Variants in CYP2C19 observed in about 807,000 individuals in gnomAD.
CYP2C19 encodes the protein cytochrome P450 family 2 subfamily C member 19, also known as cytochrome P450 2C19.
In CYP2C19, 59 loss-of-function variants were observed where a neutral mutation model predicts 40.9. The ratio of observed to expected loss-of-function variants is 1.44; its 90% CI spans 1.17 to 1.79. The LOEUF is 1.79. Among genes scored for constraint, CYP2C19 ranks in the 40% most tolerant of loss-of-function variants. The probability of loss-of-function intolerance (pLI) is 0.00; values close to 1 mark genes in which losing one functional copy is unlikely to be tolerated. For synonymous variants in CYP2C19, 253 were observed against 208.7 expected, an observed-to-expected ratio of 1.21 and a Z score of -1.83; for missense variants, 754 against 596.9, an observed-to-expected ratio of 1.26 and a Z score of -2.74.
chr10:94,833,758 C>G (rs770305892), intron 6 of CYP2C19, among the ~76,000 whole-genome samples: 3 of 152,174 alleles, frequency 2.0e-5, no homozygotes. Flanking sequence ...CTGAAATGAT[C>G]ATATGGTTTT....
intron 7 of CYP2C19, among the ~76,000 whole-genome samples, chr10:94,847,405 A>G (rs190094882): frequency 1.6e-4 from 24 of 152,110 alleles, no homozygotes; most frequent in Non-Finnish European, 2.6e-4. Flanking sequence ...AAGGACATGA[A>G]CTCATCATTT....
chr10:94,820,349 C>T (rs570283250), intron 5 of CYP2C19, 147 bp from the exon 6 acceptor site: 2 of 895,960 alleles, frequency 2.2e-6, no homozygotes, highest in East Asian at 2.7e-5. Context: ...GATGCCCTCT[C>T]TCACCGCTCC....
chr10:94,787,660 G>C (rs1243919289), intron 5 of CYP2C19, among the ~76,000 whole-genome samples: 1 of 152,058 alleles, frequency 6.6e-6, no homozygotes, highest in Non-Finnish European at 1.5e-5. Context: ...TCCATTTCGA[G>C]TTAATTTTTG....
At chr10:94,764,013 G>A (rs1366635085) in intron 1 of CYP2C19, among the ~76,000 whole-genome samples, 1 of 152,052 alleles carries the variant, frequency 6.6e-6, no homozygotes, top group Non-Finnish European at 1.5e-5. Flanking sequence ...TGGCATGTCT[G>A]GAGTTGTTCA....
At chr10:94,812,250 A>T (rs184230103) in intron 5 of CYP2C19, among the ~76,000 whole-genome samples, 7 of 152,182 alleles carry the variant, frequency 4.6e-5, no homozygotes, top group African/African-American at 2.4e-5. Flanking sequence ...ATATGCTGTT[A>T]GTCTGACAGG....
chr10:94,806,018 T>C (rs1435532015), intron 5 of CYP2C19, among the ~76,000 whole-genome samples: 2 of 152,106 alleles, frequency 1.3e-5, no homozygotes, highest in Non-Finnish European at 2.9e-5. Context: ...AGAAATGTTG[T>C]AGAACCCCAC....
rs28399513 is a variant in CYP2C19, at chr10:94,842,641, T to A, written c.962-196T>A. Among the ~76,000 whole-genome samples the A allele has an allele frequency of 0.17, 25,391 of 152,090 alleles. 2,321 individuals are homozygous for A. The highest frequency in any genetic ancestry group is 0.33 in the South Asian group (1,593 of 4,820). On this transcript the variant is annotated intron_variant, in intron 6 of 8. Coordinates refer to ENST00000371321, the MANE Select transcript of CYP2C19 (RefSeq NM_000769.4). ...ATATATGTGTACAGATTTTTCTTAA[T>A]GCCTAGCTTAAGGCACAGTTACACA...
In CYP2C19 at chr10:94,836,925, C is replaced by T. The variant is rs112172896; in HGVS notation, c.962-5912C>T. On this transcript the variant is annotated intron_variant, in intron 6 of 8. Coordinates refer to ENST00000371321, the MANE Select transcript of CYP2C19 (RefSeq NM_000769.4). ...CTCAAGTCTTGGGCTAATGCCTGGC[C>T]AAATAGATGGGGGCTATCCTTGAAC... 3.1e-3 allele frequency among the ~76,000 whole-genome samples: 475 copies of T among 151,224 alleles called. 3 individuals carry two copies. The highest frequency in any genetic ancestry group is 0.011 in the African/African-American group (452 of 41,124).
intron 5 of CYP2C19, among the ~76,000 whole-genome samples, chr10:94,798,905 T>G (rs1448688718): frequency 1.3e-5 from 2 of 150,318 alleles, no homozygotes; most frequent in Non-Finnish European, 3.0e-5. Context: ...TCTCTGCATG[T>G]GAGATGCATC....
At chr10:94,768,075 C>T (rs541836617) in intron 1 of CYP2C19, among the ~76,000 whole-genome samples, 18 of 152,328 alleles carry the variant, frequency 1.2e-4, no homozygotes, top group African/African-American at 4.3e-4. Context: ...CCATAATTCC[C>T]TTGTGGTATT....
intron 6 of CYP2C19, among the ~76,000 whole-genome samples, chr10:94,828,304 CTT>C (rs1849265220): frequency 1.3e-5 from 2 of 151,748 alleles, no homozygotes; most frequent in Admixed American, 6.6e-5. Context: ...GTCTAAGTCT[CTT>C]TGTAGGTCAC....
intron 6 of CYP2C19, among the ~76,000 whole-genome samples, chr10:94,841,169 G>C (rs1849489522): frequency 6.6e-6 from 1 of 152,200 alleles, no homozygotes; most frequent in African/African-American, 2.4e-5. Context: ...CATGCAGTGA[G>C]TGTTATAGCT....
intron 6 of CYP2C19, among the ~76,000 whole-genome samples, chr10:94,823,172 G>C (rs375875161): frequency 4.4e-4 from 67 of 152,272 alleles, no homozygotes; most frequent in African/African-American, 1.5e-3. Context: ...CTCAATATTA[G>C]TATTTGGAAG....
chr10:94,848,327 A>C (rs1849602813), intron 7 of CYP2C19, among the ~76,000 whole-genome samples: 1 of 152,186 alleles, frequency 6.6e-6, no homozygotes, highest in African/African-American at 2.4e-5. Flanking sequence ...CCATTTATTA[A>C]ATAGGGAATC....
chr10:94,823,055 CA>C (rs1346848331), intron 6 of CYP2C19, among the ~76,000 whole-genome samples: 1 of 151,874 alleles, frequency 6.6e-6, no homozygotes, highest in Non-Finnish European at 1.5e-5. Context: ...ACACAGAGAG[CA>C]AATGGAGGAA....
intron 1 of CYP2C19, among the ~76,000 whole-genome samples, chr10:94,769,179 T>A (rs1215742277): frequency 6.6e-6 from 1 of 152,090 alleles, no homozygotes; most frequent in Non-Finnish European, 1.5e-5. Context: ...CTTGTACCCT[T>A]GATTAGCTAC....
chr10:94,849,855 A>G lies in CYP2C19; in HGVS notation c.1150-62A>G, dbSNP rs575713921. 46 of 1,586,828 alleles carry G rather than the reference A, an allele frequency of 2.9e-5. No homozygotes were observed. In the African/African-American group the frequency reaches 5.4e-4, roughly 19 times the overall value. ...CAAAAGATTTAACTGCATGATTACC[A>G]CTGTTTCTTAAACCTTCGTGACTTC... On this transcript the variant is annotated intron_variant, in intron 7 of 8. Coordinates refer to ENST00000371321, the MANE Select transcript of CYP2C19 (RefSeq NM_000769.4).
At chr10:94,837,340 G>T (rs574137637) in intron 6 of CYP2C19, among the ~76,000 whole-genome samples, 1 of 152,230 alleles carries the variant, frequency 6.6e-6, no homozygotes, top group East Asian at 1.9e-4. Flanking sequence ...GTAGGGAAAG[G>T]AGGTGGAGTC....
chr10:94,815,353 C>A (rs968676658), intron 5 of CYP2C19, among the ~76,000 whole-genome samples: 1 of 152,172 alleles, frequency 6.6e-6, no homozygotes, highest in East Asian at 1.9e-4. Context: ...ACTCTAAAAG[C>A]ATAATTAATT....
Sources: gnomAD v4.1 joint callset for allele counts (sites outside exome capture counted in the v4.1 genomes callset) on GRCh38, gnomAD v4.1.1 for gene constraint, MANE v1.5 for transcripts, NCBI Gene and HGNC (gene_info 2026-07-23, HGNC 2026-07-21) for gene names.